Variants in GRM5 observed in about 807,000 individuals in gnomAD.
GRM5 encodes the protein metabotropic glutamate receptor 5.
A neutral mutation model predicts 83.1 loss-of-function variants in GRM5; 19 were observed. That is an observed-to-expected ratio of 0.23 (90% confidence interval 0.16 to 0.34). The LOEUF is 0.34. Ranked by LOEUF, GRM5 falls within the 10% of genes least tolerant of loss-of-function variation. GRM5 has a pLI of 1.00. For missense variants in GRM5, 1,160 were observed against 1,588.3 expected, an observed-to-expected ratio of 0.73 and a Z score of 4.58; for synonymous variants, 675 against 633.6, an observed-to-expected ratio of 1.07 and a Z score of -0.98.
chr11:88,598,629 G>A (rs578064221), intron 5 of GRM5, among the ~76,000 whole-genome samples: 24 of 152,202 alleles, frequency 1.6e-4, no homozygotes, highest in Admixed American at 1.5e-3. Context: ...TGCATGCAAT[G>A]AGTTGAGATA....
chr11:89,040,375 C>T (rs774770420), intron 2 of GRM5, among the ~76,000 whole-genome samples: 20 of 151,944 alleles, frequency 1.3e-4, no homozygotes, highest in Admixed American at 4.6e-4. Flanking sequence ...AAAACAAAAA[C>T]GCTTCCAGAT....
chr11:88,721,722 C>A (rs1012726021), intron 3 of GRM5, among the ~76,000 whole-genome samples: 5 of 152,104 alleles, frequency 3.3e-5, no homozygotes, highest in African/African-American at 1.2e-4. Flanking sequence ...TATGAACTCA[C>A]TTTCAGTAAT....
At chr11:88,726,775 A>T (rs892735201) in intron 3 of GRM5, among the ~76,000 whole-genome samples, 7 of 84,474 alleles carry the variant, frequency 8.3e-5, no homozygotes, top group Non-Finnish European at 2.4e-4. Context: ...CCAGAATTTC[A>T]TATCCAGCCA....
chr11:88,933,187 A>ATTTTTT lies in GRM5; in HGVS notation c.662-83038_662-83033dup, dbSNP rs57318577. On this transcript the variant is annotated intron_variant, in intron 2 of 9. Transcript: ENST00000305447. ...GGTCTGCAATTCAAATATTTGGGGC[A>ATTTTTT]TTTTTTTTTTTTTTTTTTTTGCTAA... Among the ~76,000 whole-genome samples, 30 of 106,294 alleles carry ATTTTTT rather than the reference A, an allele frequency of 2.8e-4. 1 individual carries two copies. Among genetic ancestry groups the ATTTTTT allele is most frequent in the African/African-American group, 3.2e-4 (9 of 27,702 alleles). The allele number at this position is 106,294 out of a possible 152,430, so 69.7% of individuals were successfully genotyped here.
rs113507471 is a variant in GRM5 at position 88,731,219 on chromosome 11, C to G, written c.912-77816G>C. ...CATGACTTCATTCCTGCCCACTTCT[C>G]CAGCTTCATAATTCACCACTTCTAC... On this transcript the variant is annotated intron_variant, in intron 3 of 9. Transcript: ENST00000305447. 3.6e-3 allele frequency among the ~76,000 whole-genome samples: 548 copies of G among 152,116 alleles called. 4 individuals are homozygous for G. The highest frequency in any genetic ancestry group is 1.9e-3 in the Non-Finnish European group (128 of 67,970).
intron 2 of GRM5, among the ~76,000 whole-genome samples, chr11:88,905,588 T>A (rs1446208141): frequency 1.3e-5 from 2 of 152,162 alleles, no homozygotes; most frequent in Non-Finnish European, 2.9e-5. Context: ...GTAATCTGTC[T>A]GCCTCGGCCT....
intron 4 of GRM5, among the ~76,000 whole-genome samples, chr11:88,627,613 A>G (rs987748656): frequency 2.0e-5 from 3 of 152,102 alleles, no homozygotes; most frequent in Admixed American, 6.5e-5. Flanking sequence ...CTGTACCTCA[A>G]TCTCACCCCT....
chr11:88,695,358 T>C (rs2135365231), intron 3 of GRM5, among the ~76,000 whole-genome samples: 1 of 152,370 alleles, frequency 6.6e-6, no homozygotes, highest in Non-Finnish European at 1.5e-5. Context: ...ATTATTTATA[T>C]AGTGGAGCTG....
intron 2 of GRM5, among the ~76,000 whole-genome samples, chr11:88,957,166 A>G (rs983822001): frequency 6.6e-6 from 1 of 152,228 alleles, no homozygotes; most frequent in Non-Finnish European, 1.5e-5. Context: ...GACTTGAACG[A>G]TGAGTAGGAA....
At chr11:88,582,848 A>C (rs919817572) in intron 7 of GRM5, among the ~76,000 whole-genome samples, 1 of 152,130 alleles carries the variant, frequency 6.6e-6, no homozygotes, top group Non-Finnish European at 1.5e-5. Context: ...ATTTCCTGAA[A>C]ATATGGGGCT....
intron 2 of GRM5, among the ~76,000 whole-genome samples, chr11:89,046,883 G>A (rs546144743): frequency 1.1e-4 from 17 of 152,254 alleles, no homozygotes; most frequent in African/African-American, 3.1e-4. Flanking sequence ...GTTCAATGAA[G>A]ATATAGAGAC....
At chr11:88,922,844 A>G (rs1945715967) in intron 2 of GRM5, among the ~76,000 whole-genome samples, 1 of 152,172 alleles carries the variant, frequency 6.6e-6, no homozygotes, top group Non-Finnish European at 1.5e-5. Context: ...AGGGATTAAT[A>G]ACCAGAATAT....
chr11:88,548,258 G>A (rs1469727865), intron 8 of GRM5, among the ~76,000 whole-genome samples: 1 of 152,074 alleles, frequency 6.6e-6, no homozygotes, highest in Non-Finnish European at 1.5e-5. Flanking sequence ...CACCAGATAC[G>A]GTGCAGCAAG....
At chr11:88,995,051 TA>T (rs1940133604) in intron 2 of GRM5, among the ~76,000 whole-genome samples, 1 of 152,162 alleles carries the variant, frequency 6.6e-6, no homozygotes, top group Non-Finnish European at 1.5e-5. Flanking sequence ...GTAGAGCTCC[TA>T]AACTTTGAGA....
At chr11:88,866,365 G>A (rs955540194) in intron 2 of GRM5, among the ~76,000 whole-genome samples, 3 of 152,006 alleles carry the variant, frequency 2.0e-5, no homozygotes, top group Admixed American at 6.6e-5. Context: ...AGAACACATA[G>A]ACACAGGGAG....
intron 2 of GRM5, among the ~76,000 whole-genome samples, chr11:88,983,249 C>A (rs1043091806): frequency 7.2e-5 from 11 of 152,140 alleles, no homozygotes; most frequent in Non-Finnish European, 1.0e-4. Context: ...TTCCTCATAG[C>A]AATTCTCTTA....
At chr11:89,042,950 T>C (rs1242465121) in intron 2 of GRM5, among the ~76,000 whole-genome samples, 1 of 151,792 alleles carries the variant, frequency 6.6e-6, no homozygotes, top group Admixed American at 6.6e-5. Context: ...TGATTTGTTT[T>C]TTGCTGTAAC....
At chr11:89,060,398 G>T (rs1591086783) in intron 1 of GRM5, among the ~76,000 whole-genome samples, 1 of 151,732 alleles carries the variant, frequency 6.6e-6, no homozygotes, top group Non-Finnish European at 1.5e-5. Flanking sequence ...TGAATTAATT[G>T]CACAAATAAA....
chr11:88,733,937 G>A (rs1941858502), intron 3 of GRM5, among the ~76,000 whole-genome samples: 1 of 151,932 alleles, frequency 6.6e-6, no homozygotes, highest in African/African-American at 2.4e-5. Context: ...GCTGATTCTA[G>A]ATCACTAGTT....
Sources: gnomAD v4.1 joint callset for allele counts (sites outside exome capture counted in the v4.1 genomes callset) on GRCh38, gnomAD v4.1.1 for gene constraint, MANE v1.5 for transcripts, NCBI Gene and HGNC (gene_info 2026-07-23, HGNC 2026-07-21) for gene names.